Variants in RFC3 observed in about 807,000 individuals in gnomAD.
RFC3 encodes the protein replication factor C subunit 3.
A neutral mutation model predicts 45.1 loss-of-function variants in RFC3; 41 were observed. That is an observed-to-expected ratio of 0.91 (90% CI 0.71 to 1.18). The LOEUF is 1.18. Among genes scored for constraint, RFC3 ranks in the 50% most tolerant of loss-of-function variants. The pLI, the probability that RFC3 is intolerant of heterozygous loss-of-function variation, is 0.00. For synonymous variants in RFC3, 149 were observed against 144.0 expected, an observed-to-expected ratio of 1.03 and a Z score of -0.25; for missense variants, 423 against 428.1, an observed-to-expected ratio of 0.99 and a Z score of 0.10.
At chr13:33,902,064 G>T (rs2082645061) in intron 8 of RFC3, among the ~76,000 whole-genome samples, 1 of 152,006 alleles carries the variant, frequency 6.6e-6, no homozygotes, top group Middle Eastern at 3.2e-3. Flanking sequence ...TGTGATGGTG[G>T]AATAACACTG....
intron 8 of RFC3, among the ~76,000 whole-genome samples, chr13:33,871,782 T>C (rs2082411606): frequency 1.3e-5 from 2 of 152,236 alleles, no homozygotes; most frequent in African/African-American, 4.8e-5. Context: ...GGCCATTCTC[T>C]TCACTTGGCA....
At chr13:33,862,059 A>G (rs1049642823) in intron 8 of RFC3, among the ~76,000 whole-genome samples, 2 of 152,188 alleles carry the variant, frequency 1.3e-5, no homozygotes, top group African/African-American at 4.8e-5. Flanking sequence ...AGCAGTATAG[A>G]TTTATTTAGT....
intron 8 of RFC3, among the ~76,000 whole-genome samples, chr13:33,873,833 C>A (rs372081640): frequency 6.6e-6 from 1 of 152,128 alleles, no homozygotes; most frequent in Non-Finnish European, 1.5e-5. Context: ...TACTTTGAGG[C>A]GGTCAAAGTC....
intron 2 of RFC3, among the ~76,000 whole-genome samples, chr13:33,823,092 G>A (rs938695488): frequency 3.9e-5 from 6 of 152,126 alleles, no homozygotes; most frequent in Non-Finnish European, 7.4e-5. Flanking sequence ...AGCAGTGTGA[G>A]TCTATTATAT....
rs2082043606 is a variant in RFC3 at position 33,825,797 on chromosome 13, G to A, written c.302G>A (p.Gly101Glu). The A allele has an allele frequency of 6.3e-7, 1 of 1,595,578 alleles. No homozygotes were observed. Among genetic ancestry groups the A allele is most frequent in the African/African-American group, 1.3e-5 (1 of 74,200 alleles). The part of the protein sequence containing the change: ...YHLEVNPSDA[G>E]NSDRVVIQEM... The stretch of plus-strand genomic sequence containing the variant: ...ATTTTTGTTTTGTGTAGTGATGCTG[G>A]AAATAGTGACCGAGTAGTCATTCAG... The change falls in exon 4 of 9, where the codon GGA (glycine) becomes GAA (glutamate). Residue 101 changes from glycine (G) to glutamate (E), a missense_variant. Physicochemically the swap from Gly to Glu is moderately conservative, Grantham distance 98. Coordinates refer to ENST00000380071, the MANE Select transcript of RFC3 (RefSeq NM_002915.4).
intron 8 of RFC3, among the ~76,000 whole-genome samples, chr13:33,880,247 T>A (rs937772718): frequency 6.6e-6 from 1 of 152,254 alleles, no homozygotes; most frequent in African/African-American, 2.4e-5. Flanking sequence ...CAATCTGATA[T>A]GTTTATATAA....
intron 8 of RFC3, among the ~76,000 whole-genome samples, chr13:33,958,989 T>C (rs1446588817): frequency 6.6e-6 from 1 of 152,226 alleles, no homozygotes; most frequent in Non-Finnish European, 1.5e-5. Flanking sequence ...AGAACTATTA[T>C]TTTAAAAAAT....
At chr13:33,903,412 A>T (rs1386930670) in intron 8 of RFC3, among the ~76,000 whole-genome samples, 1 of 152,134 alleles carries the variant, frequency 6.6e-6, no homozygotes, top group African/African-American at 2.4e-5. Context: ...AGTACAATGT[A>T]ATATAACTCG....
intron 1 of RFC3, among the ~76,000 whole-genome samples, chr13:33,818,972 C>T (rs1358394879): frequency 6.9e-6 from 1 of 145,768 alleles, no homozygotes; most frequent in Admixed American, 7.1e-5. Context: ...CTCACTGCAA[C>T]CTCCGCCTCA....
rs183317275 is a variant in RFC3 at position 33,885,116 on chromosome 13, C to T, written c.879+49899C>T. On this transcript the variant is annotated intron_variant, in intron 8 of 8. Coordinates refer to the RFC3 transcript ENST00000434425. ...AAAAATGCCCACAAAGTTGATTAGT[C>T]GGCCTTGGGCTGCACTAGTCAGTTT... Among the ~76,000 whole-genome samples, 12 of 152,248 alleles carry T rather than the reference C, an allele frequency of 7.9e-5. No individual in the cohort carries two copies. In the East Asian group the frequency reaches 2.3e-3, roughly 29 times the overall value.
intron 8 of RFC3, among the ~76,000 whole-genome samples, chr13:33,920,585 C>G (rs2082762893): frequency 6.6e-6 from 1 of 151,898 alleles, no homozygotes; most frequent in Non-Finnish European, 1.5e-5. Flanking sequence ...CATGCCACCA[C>G]ACCCAGCTAA....
intron 8 of RFC3, among the ~76,000 whole-genome samples, chr13:33,861,415 G>A (rs574384314): frequency 1.8e-4 from 28 of 152,090 alleles, no homozygotes; most frequent in Admixed American, 7.2e-4. Flanking sequence ...ATCGCCTGAG[G>A]TCAGGAGTTT....
chr13:33,876,441 A>G (rs1270908124), intron 8 of RFC3, among the ~76,000 whole-genome samples: 1 of 152,110 alleles, frequency 6.6e-6, no homozygotes, highest in Non-Finnish European at 1.5e-5. Flanking sequence ...GTTGTATGAA[A>G]CTCACTTAAT....
At chr13:33,887,960 A>G (rs2082537278) in intron 8 of RFC3, among the ~76,000 whole-genome samples, 1 of 152,144 alleles carries the variant, frequency 6.6e-6, no homozygotes, top group Non-Finnish European at 1.5e-5. Context: ...ATTATTTCTG[A>G]GGGCTCTGTT....
At chr13:33,924,401 G>A (rs2082789000) in intron 8 of RFC3, among the ~76,000 whole-genome samples, 2 of 151,866 alleles carry the variant, frequency 1.3e-5, no homozygotes. Context: ...TGCTGACTGT[G>A]TTTGTAAATT....
chr13:33,863,484 T>A (rs143747321), intron 8 of RFC3, among the ~76,000 whole-genome samples: 1 of 152,336 alleles, frequency 6.6e-6, no homozygotes, highest in Non-Finnish European at 1.5e-5. Context: ...CCATATGTTC[T>A]GTGGGTCTGT....
chr13:33,835,709 G>A lies in RFC3; in HGVS notation c.880-395G>A, dbSNP rs532037798. On this transcript the variant is annotated intron_variant, in intron 8 of 8. Coordinates refer to ENST00000380071, the MANE Select transcript of RFC3 (RefSeq NM_002915.4). ...ATGACCATATGTATAGATTTACTTC[G>A]TTCTGTTAATGGATGAATGGTTTTC... Among the ~76,000 whole-genome samples the A allele has an allele frequency of 5.9e-5, 9 of 152,230 alleles. No homozygotes were observed. In the South Asian group the frequency reaches 1.7e-3, roughly 28 times the overall value.
intron 8 of RFC3, among the ~76,000 whole-genome samples, chr13:33,877,208 C>G (rs1015465117): frequency 1.3e-5 from 2 of 152,174 alleles, no homozygotes; most frequent in African/African-American, 4.8e-5. Context: ...GCCAAAGTCA[C>G]ACAGCATTAA....
chr13:33,835,316 T>C, intron 8 of RFC3, 99 bp downstream of exon 8: 1 of 787,616 alleles, frequency 1.3e-6, no homozygotes, highest in Non-Finnish European at 2.3e-6. Flanking sequence ...ATCACCTCTT[T>C]CTCTCCAGCG....
Sources: gnomAD v4.1 joint callset for allele counts (sites outside exome capture counted in the v4.1 genomes callset) on GRCh38, gnomAD v4.1.1 for gene constraint, MANE v1.5 for transcripts, NCBI Gene and HGNC (gene_info 2026-07-23, HGNC 2026-07-21) for gene names.